PIP4K2A: variants seen among roughly 807,000 people sequenced by gnomAD.
The protein encoded by PIP4K2A is phosphatidylinositol-5-phosphate 4-kinase type 2 alpha.
A neutral mutation model predicts 42.9 loss-of-function variants in PIP4K2A; 14 were observed. The observed-to-expected ratio is 0.33, with a 90% CI of 0.22 to 0.51. The LOEUF (loss-of-function observed/expected upper bound fraction) is 0.51, where lower values mean the gene tolerates loss of function less well. PIP4K2A is among the 20% of genes least tolerant of loss of function. The pLI is 0.97. For synonymous variants in PIP4K2A, 192 were observed against 192.2 expected, an observed-to-expected ratio of 1.00 and a Z score of 0.01; for missense variants, 434 against 519.8, an observed-to-expected ratio of 0.83 and a Z score of 1.61.
intron 1 of PIP4K2A, among the ~76,000 whole-genome samples, chr10:22,695,342 A>AT (rs1044450247): frequency 3.9e-5 from 6 of 152,294 alleles, no homozygotes; most frequent in African/African-American, 1.4e-4. Context: ...ACATGCTCCG[A>AT]TTTTTTTCAC....
rs10681238 is a variant in PIP4K2A at position 22,596,205 on chromosome 10, C to CAAAAAAAAAAAAAAAAAAAAAA, written c.340-4425_340-4424insTTTTTTTTTTTTTTTTTTTTTT. 3.6e-4 allele frequency among the ~76,000 whole-genome samples: 25 copies of CAAAAAAAAAAAAAAAAAAAAAA among 69,664 alleles called. 1 individual carries two copies. The highest frequency in any genetic ancestry group is 1.5e-3 in the African/African-American group (24 of 15,802). 45.7% of individuals were successfully genotyped at this position (69,664 alleles called of 152,430 possible). ...GGGCAACAAGAGCAAAACTCCGTCT[C>CAAAAAAAAAAAAAAAAAAAAAA]AAAAAAAAAAAAAAAAAAAAGGATT... On this transcript the variant is annotated intron_variant, in intron 3 of 9. Transcript: ENST00000376573.
At position 22,714,555 on chromosome 10, in the gene PIP4K2A, C is replaced by G. The variant is rs1383226920; in HGVS notation, c.-229G>C. ...CCCGGCCCGTATCCTGCGCCCGCCG[C>G]GGATCCGCGCTCAGCCCGCGGCTGG... On this transcript the variant is annotated 5_prime_UTR_variant, in exon 1 of 10. Coordinates refer to ENST00000376573, the MANE Select transcript of PIP4K2A (RefSeq NM_005028.5). 6.8e-6 allele frequency: 1 copy of G among 147,786 alleles called. No homozygotes were observed. Among genetic ancestry groups the G allele is most frequent in the East Asian group, 2.0e-4 (1 of 5,064 alleles). 9.2% of individuals were successfully genotyped at this position (147,786 alleles called of 1,614,324 possible).
intron 1 of PIP4K2A, among the ~76,000 whole-genome samples, chr10:22,699,872 T>A (rs1199184519): frequency 6.6e-6 from 1 of 152,184 alleles, no homozygotes; most frequent in Non-Finnish European, 1.5e-5. Flanking sequence ...ATCACCAGAA[T>A]GCTTAAAAAT....
intron 3 of PIP4K2A, among the ~76,000 whole-genome samples, chr10:22,598,674 T>A (rs1837684579): frequency 6.6e-6 from 1 of 152,138 alleles, no homozygotes; most frequent in African/African-American, 2.4e-5. Context: ...AGTCAGGGCT[T>A]TGCGTCCTCC....
intron 7 of PIP4K2A, among the ~76,000 whole-genome samples, chr10:22,548,261 C>T (rs1326225047): frequency 1.3e-5 from 2 of 152,206 alleles, no homozygotes; most frequent in South Asian, 4.1e-4. Flanking sequence ...CACCCTGCCT[C>T]CATTTCAACG....
At chr10:22,675,295 T>C (rs1268883117) in intron 1 of PIP4K2A, among the ~76,000 whole-genome samples, 3 of 152,020 alleles carry the variant, frequency 2.0e-5, no homozygotes, top group Non-Finnish European at 1.5e-5. Context: ...CTTAGAACAT[T>C]GTTGAGGAGA....
intron 1 of PIP4K2A, chr10:22,661,669 G>C (rs1369799357): frequency 6.6e-6 from 1 of 152,150 alleles, no homozygotes; most frequent in African/African-American, 2.4e-5. Context: ...CCTTAAATAG[G>C]AGAACACTTT....
At chr10:22,711,263 G>C (rs73598599) in intron 1 of PIP4K2A, among the ~76,000 whole-genome samples, 16,446 of 152,128 alleles carry the variant, frequency 0.11, 2,601 homozygotes, top group African/African-American at 0.35. Context: ...CACCTTAATT[G>C]CAAGTTGTTA....
intron 3 of PIP4K2A, among the ~76,000 whole-genome samples, chr10:22,596,205 CAAAAAAAA>C (rs10681238): frequency 2.9e-5 from 2 of 69,708 alleles, no homozygotes; most frequent in African/African-American, 1.3e-4. Flanking sequence ...AACTCCGTCT[CAAAAAAAA>C]AAAAAAAAAA....
At chr10:22,614,584 G>A (rs1458142408) in intron 1 of PIP4K2A, among the ~76,000 whole-genome samples, 1 of 152,184 alleles carries the variant, frequency 6.6e-6, no homozygotes, top group African/African-American at 2.4e-5. Context: ...TCACAAAACA[G>A]AGGATCTACT....
chr10:22,711,843 T>C (rs1485868523), intron 1 of PIP4K2A, among the ~76,000 whole-genome samples: 2 of 152,238 alleles, frequency 1.3e-5, no homozygotes, highest in Admixed American at 1.3e-4. Context: ...CTAAGGGTTT[T>C]AGATTTCATG....
Position 22,560,997 on chromosome 10 carries a change from C to A in PIP4K2A, c.678+6854G>T, listed in dbSNP as rs932641121. ...AGACTGTCATTTGTAAAAAGCAGCC[C>A]GCTCAGCTATAATTACTAATTTGAT... On this transcript the variant is annotated intron_variant, in intron 6 of 9. Coordinates refer to ENST00000376573, the MANE Select transcript of PIP4K2A (RefSeq NM_005028.5). Among the ~76,000 whole-genome samples the A allele has an allele frequency of 2.0e-5, 3 of 152,172 alleles. No homozygotes were observed. The East Asian group carries it at 5.8e-4, about 29-fold the overall frequency.
chr10:22,627,736 G>T (rs192824650), intron 1 of PIP4K2A, among the ~76,000 whole-genome samples: 2 of 151,586 alleles, frequency 1.3e-5, no homozygotes, highest in Admixed American at 1.3e-4. Context: ...TTGCCTGTGT[G>T]CAAGGTCTTT....
At chr10:22,664,095 A>ATATATATACG (rs1839274435) in intron 1 of PIP4K2A, among the ~76,000 whole-genome samples, 2 of 82,602 alleles carry the variant, frequency 2.4e-5, no homozygotes, top group South Asian at 5.7e-4. Flanking sequence ...ATATACATAT[A>ATATATATACG]TATATATACA....
At chr10:22,554,843 C>T (rs992592920) in intron 6 of PIP4K2A, among the ~76,000 whole-genome samples, 1 of 152,220 alleles carries the variant, frequency 6.6e-6, no homozygotes, top group Non-Finnish European at 1.5e-5. Flanking sequence ...AGCTGGGATT[C>T]CTGCCCGGGT....
intron 3 of PIP4K2A, among the ~76,000 whole-genome samples, chr10:22,593,823 T>C (rs896696102): frequency 6.6e-6 from 1 of 152,224 alleles, no homozygotes; most frequent in African/African-American, 2.4e-5. Context: ...GACCTTAAAC[T>C]CTGTCAAACT....
chr10:22,539,671 GATGTTC>G (rs1349020108), intron 9 of PIP4K2A: 4 of 317,952 alleles, frequency 1.3e-5, no homozygotes, highest in Non-Finnish European at 2.3e-5. Context: ...AAAAAGAAGA[GATGTTC>G]ATGTTTAAGT....
chr10:22,569,817 C>T (rs558837659), intron 5 of PIP4K2A, among the ~76,000 whole-genome samples: 1 of 151,752 alleles, frequency 6.6e-6, no homozygotes, highest in Non-Finnish European at 1.5e-5. Flanking sequence ...AATTAATTCA[C>T]AATAAAAAAT....
intron 1 of PIP4K2A, among the ~76,000 whole-genome samples, chr10:22,687,574 C>A (rs1416450307): frequency 6.6e-6 from 1 of 151,962 alleles, no homozygotes; most frequent in East Asian, 1.9e-4. Context: ...CATACACATG[C>A]AAACACACAC....
Sources: allele counts gnomAD v4.1 joint callset (sites outside exome capture counted in the v4.1 genomes callset), GRCh38; gene constraint gnomAD v4.1.1; transcripts MANE v1.5; gene names NCBI Gene and HGNC (gene_info 2026-07-23, HGNC 2026-07-21).